Variants in LYPD6B observed in about 807,000 individuals in gnomAD.
LYPD6B encodes the protein ly6/PLAUR domain-containing protein 6B.
LYPD6B carries 17 observed loss-of-function variants against 22.8 expected under a neutral mutation model. The observed-to-expected ratio is 0.75, with a 90% CI of 0.51 to 1.12. The LOEUF (loss-of-function observed/expected upper bound fraction) is 1.12. LYPD6B is among the 50% of genes most tolerant of loss of function. LYPD6B has a pLI of 0.00. For synonymous variants in LYPD6B, 106 were observed against 91.6 expected (o/e 1.16, Z -0.90); for missense variants, 221 against 258.3 (o/e 0.86, Z 0.99).
At chr2:149,187,356 A>G (rs1692181031) in intron 3 of LYPD6B, 5 of 1,395,790 alleles carry the variant, frequency 3.6e-6, no homozygotes, top group East Asian at 2.9e-5. Context: ...CCAAATGGCT[A>G]TCATTTCTGA....
chr2:149,065,574 T>C (rs939932408), intron 1 of LYPD6B, among the ~76,000 whole-genome samples: 2 of 152,244 alleles, frequency 1.3e-5, no homozygotes, highest in Admixed American at 6.5e-5. Flanking sequence ...TACTTCCTGC[T>C]GCATCAAACC....
chr2:149,095,889 G>A (rs1685882320), intron 1 of LYPD6B, among the ~76,000 whole-genome samples: 1 of 151,944 alleles, frequency 6.6e-6, no homozygotes, highest in Non-Finnish European at 1.5e-5. Flanking sequence ...AGAGATGGGA[G>A]ACAGAGACAC....
intron 2 of LYPD6B, among the ~76,000 whole-genome samples, chr2:149,146,694 G>A (rs1559031369): frequency 6.6e-6 from 1 of 151,622 alleles, no homozygotes; most frequent in Admixed American, 6.6e-5. Flanking sequence ...GGCTATTGGG[G>A]GCCACTCCTC....
At chr2:149,142,172 G>A (rs1029125540) in intron 2 of LYPD6B, 3 of 152,156 alleles carry the variant, frequency 2.0e-5, no homozygotes, top group African/African-American at 2.4e-5. Context: ...TCGAATCTTG[G>A]TTGGCGTGGC....
chr2:149,042,852 A>G (rs975539073), intron 1 of LYPD6B, among the ~76,000 whole-genome samples: 3 of 152,226 alleles, frequency 2.0e-5, no homozygotes, highest in African/African-American at 7.2e-5. Context: ...GGTTTTGGGC[A>G]AAAAGGACAG....
chr2:149,060,785 G>C (rs747649258), intron 1 of LYPD6B, among the ~76,000 whole-genome samples: 13 of 152,110 alleles, frequency 8.5e-5, no homozygotes, highest in Non-Finnish European at 1.6e-4. Context: ...ACTTCCAAAA[G>C]GGTAGGAGCA....
At chr2:149,139,875 C>T (rs1688583245) in intron 2 of LYPD6B, among the ~76,000 whole-genome samples, 1 of 152,154 alleles carries the variant, frequency 6.6e-6, no homozygotes, top group Non-Finnish European at 1.5e-5. Context: ...AAATTAGAGA[C>T]ATATGTCTTA....
chr2:149,205,752 T>G (rs1195335009), intron 4 of LYPD6B, among the ~76,000 whole-genome samples: 2 of 152,192 alleles, frequency 1.3e-5, no homozygotes, highest in Non-Finnish European at 2.9e-5. Flanking sequence ...GCATAAATGA[T>G]CTATTAATTC....
intron 4 of LYPD6B, 101 bp downstream of exon 4, chr2:149,205,505 A>G: frequency 7.9e-7 from 1 of 1,263,096 alleles, no homozygotes; most frequent in Non-Finnish European, 1.1e-6. Flanking sequence ...TTCCCAGAAC[A>G]TTTGTTTTAT....
At chr2:149,133,275 G>A (rs903096243) in intron 2 of LYPD6B, among the ~76,000 whole-genome samples, 2 of 152,166 alleles carry the variant, frequency 1.3e-5, no homozygotes, top group Non-Finnish European at 2.9e-5. Flanking sequence ...AAAGTACTAA[G>A]CCTCTGTGGT....
At chr2:149,051,690 G>A (rs531637563) in intron 1 of LYPD6B, among the ~76,000 whole-genome samples, 1 of 152,178 alleles carries the variant, frequency 6.6e-6, no homozygotes, top group South Asian at 2.1e-4. Flanking sequence ...TTTTGAGATG[G>A]AGTCTCACTC....
chr2:149,106,661 G>A (rs143334579), intron 1 of LYPD6B, among the ~76,000 whole-genome samples: 45 of 151,880 alleles, frequency 3.0e-4, no homozygotes, highest in African/African-American at 1.0e-3. Context: ...GATAATTTGT[G>A]TTTTTTTCCT....
At chr2:149,176,691 C>T (rs1166813047) in intron 3 of LYPD6B, among the ~76,000 whole-genome samples, 1 of 152,138 alleles carries the variant, frequency 6.6e-6, no homozygotes, top group Non-Finnish European at 1.5e-5. Context: ...TGATGTTTTA[C>T]TTTGGTGGGG....
chr2:149,092,824 TC>T lies in LYPD6B; in HGVS notation c.-66-38057del, dbSNP rs549110173. Among the ~76,000 whole-genome samples, 318 of 152,334 alleles carry T rather than the reference TC, an allele frequency of 2.1e-3. 3 individuals carry two copies. The highest frequency in any genetic ancestry group is 6.8e-3 in the Middle Eastern group (2 of 294). On this transcript the variant is annotated intron_variant, in intron 1 of 6. Coordinates refer to ENST00000409642, the MANE Select transcript of LYPD6B (RefSeq NM_177964.5). ...GTAAGATAACAGTAACCTGGGTTCC[TC>T]CTGAGTTTGTGAAGCCCACCTCAAG... is the stretch of plus-strand genomic sequence containing the variant.
At chr2:149,112,613 T>C (rs1266440813) in intron 1 of LYPD6B, among the ~76,000 whole-genome samples, 1 of 152,122 alleles carries the variant, frequency 6.6e-6, no homozygotes, top group African/African-American at 2.4e-5. Flanking sequence ...TTTTGTAATA[T>C]GTATATAAAA....
chr2:149,205,459 A>ATTTAT (rs1433225228), intron 4 of LYPD6B, 55 bp downstream of exon 4: 1 of 1,550,866 alleles, frequency 6.4e-7, no homozygotes, highest in African/African-American at 1.4e-5. Context: ...GAGTGTTAAT[A>ATTTAT]TGAAGCCCCC....
intron 1 of LYPD6B, among the ~76,000 whole-genome samples, chr2:149,100,877 C>A (rs986178100): frequency 3.3e-5 from 5 of 152,200 alleles, no homozygotes; most frequent in African/African-American, 1.2e-4. Context: ...TTTTAAAAAT[C>A]TGCTTCCTGT....
At chr2:149,181,242 A>G (rs1388260356) in intron 3 of LYPD6B, among the ~76,000 whole-genome samples, 1 of 152,118 alleles carries the variant, frequency 6.6e-6, no homozygotes, top group African/African-American at 2.4e-5. Flanking sequence ...AGGCCTGAAA[A>G]TGCAGGTAAT....
chr2:149,069,798 C>G (rs998928069), intron 1 of LYPD6B, among the ~76,000 whole-genome samples: 21 of 152,034 alleles, frequency 1.4e-4, no homozygotes, highest in Non-Finnish European at 2.1e-4. Context: ...CAGTGTGAGG[C>G]CTGGTTCCAG....
Sources: allele counts gnomAD v4.1 joint callset (sites outside exome capture counted in the v4.1 genomes callset), GRCh38; gene constraint gnomAD v4.1.1; transcripts MANE v1.5; gene names NCBI Gene and HGNC (gene_info 2026-07-23, HGNC 2026-07-21).